The following LRP1B variants were observed in gnomAD, a reference collection of about 807,000 sequenced individuals.
LRP1B encodes the protein LDL receptor related protein 1B.
In LRP1B, 217 loss-of-function variants were observed where a neutral mutation model predicts 556.6. The observed-to-expected ratio is 0.39, with a 90% confidence interval of 0.35 to 0.44. The LOEUF is 0.44. Among genes scored for constraint, LRP1B ranks in the 20% least tolerant of loss-of-function variants. The pLI is 1.00. For synonymous variants in LRP1B, 2,047 were observed against 1,865.8 expected (o/e 1.10, Z -2.50); for missense variants, 5,053 against 5,620.8 (o/e 0.90, Z 3.23).
intron 83 of LRP1B, among the ~76,000 whole-genome samples, chr2:140,310,625 T>C (rs771728473): frequency 2.8e-4 from 43 of 151,478 alleles, no homozygotes; most frequent in Non-Finnish European, 5.5e-4. Flanking sequence ...TTTGACAAAA[T>C]TAACAGAAAT....
rs554607994 is a variant in LRP1B at position 141,402,603 on chromosome 2, G to A, written c.343+77793C>T. Among the ~76,000 whole-genome samples the A allele has an allele frequency of 1.2e-4, 19 of 152,054 alleles. No individual in the cohort carries two copies. The South Asian group carries it at 3.7e-3, about 30-fold the overall frequency. On this transcript the variant is annotated intron_variant, in intron 3 of 90. Coordinates refer to ENST00000389484, the MANE Select transcript of LRP1B (RefSeq NM_018557.3). ...CTAAAAACAAATGAAGACCAAAGTTGTATCTTCATGTATACTTTTATTATT... is the reference window on the plus strand; with the variant it reads ...CTAAAAACAAATGAAGACCAAAGTTATATCTTCATGTATACTTTTATTATT...
intron 1 of LRP1B, among the ~76,000 whole-genome samples, chr2:141,860,576 T>G (rs1037652040): frequency 1.3e-5 from 2 of 152,166 alleles, no homozygotes; most frequent in Non-Finnish European, 2.9e-5. Flanking sequence ...TGCTATGTAA[T>G]TCACTGTGTA....
chr2:140,768,251 C>T (rs988662570), intron 35 of LRP1B, among the ~76,000 whole-genome samples: 2 of 151,822 alleles, frequency 1.3e-5, no homozygotes, highest in Non-Finnish European at 2.9e-5. Context: ...TTTATTAATA[C>T]ATGATTAAAC....
At chr2:141,557,916 C>T (rs35714902) in intron 2 of LRP1B, among the ~76,000 whole-genome samples, 56,115 of 151,610 alleles carry the variant, frequency 0.37, 10,942 homozygotes, top group Non-Finnish European at 0.44. Flanking sequence ...ACAGATGGTC[C>T]TTATTCAGCC....
intron 18 of LRP1B, among the ~76,000 whole-genome samples, chr2:140,979,421 T>G (rs1696699945): frequency 6.6e-6 from 1 of 152,206 alleles, no homozygotes; most frequent in African/African-American, 2.4e-5. Flanking sequence ...CTGAGACTTC[T>G]AATTTCCTGA....
At chr2:140,425,199 C>T (rs1685604242) in intron 66 of LRP1B, among the ~76,000 whole-genome samples, 1 of 152,124 alleles carries the variant, frequency 6.6e-6, no homozygotes, top group South Asian at 2.1e-4. Flanking sequence ...TGCCTCCTCA[C>T]TGTTAGTGAC....
At chr2:141,813,598 ACAAACAAAAAACAGGATGGAG>A (rs1456451943) in intron 1 of LRP1B, among the ~76,000 whole-genome samples, 3 of 151,452 alleles carry the variant, frequency 2.0e-5, no homozygotes, top group Non-Finnish European at 4.4e-5. Flanking sequence ...AAACAAACAA[ACAAACAAAAAACAGGATGGAG>A]GACCACTAAA....
chr2:141,765,195 A>C (rs1434298562), intron 2 of LRP1B, among the ~76,000 whole-genome samples: 1 of 152,266 alleles, frequency 6.6e-6, no homozygotes, highest in African/African-American at 2.4e-5. Flanking sequence ...AGAGATCCGT[A>C]AACAGTGTAA....
chr2:141,357,690 A>C (rs1688676286), intron 3 of LRP1B, among the ~76,000 whole-genome samples: 1 of 152,208 alleles, frequency 6.6e-6, no homozygotes, highest in African/African-American at 2.4e-5. Context: ...GATATCCCAC[A>C]GACAATGAAT....
At chr2:141,930,144 T>C (rs1226928310) in intron 1 of LRP1B, among the ~76,000 whole-genome samples, 2 of 151,936 alleles carry the variant, frequency 1.3e-5, no homozygotes, top group Non-Finnish European at 2.9e-5. Context: ...CCACCACATC[T>C]TGGATTTTAA....
At chr2:141,437,380 GT>G (rs981416998) in intron 3 of LRP1B, among the ~76,000 whole-genome samples, 4 of 151,990 alleles carry the variant, frequency 2.6e-5, no homozygotes, top group African/African-American at 7.2e-5. Context: ...GGGACTAGCT[GT>G]TTGAATAGGA....
chr2:140,233,488 C>T (rs1217218122), intron 90 of LRP1B, among the ~76,000 whole-genome samples, 162 bp from the exon 91 acceptor site: 3 of 151,100 alleles, frequency 2.0e-5, no homozygotes, highest in Non-Finnish European at 4.4e-5. Context: ...GTTACATTTA[C>T]AGACTTTACT....
At chr2:140,782,183 G>C (rs552460879) in intron 32 of LRP1B, among the ~76,000 whole-genome samples, 1 of 152,148 alleles carries the variant, frequency 6.6e-6, no homozygotes, top group Admixed American at 6.6e-5. Flanking sequence ...GGGTTAAGCT[G>C]TGTATAAGCA....
At chr2:141,051,895 A>G (rs1558826881) in intron 10 of LRP1B, among the ~76,000 whole-genome samples, 1 of 151,870 alleles carries the variant, frequency 6.6e-6, no homozygotes, top group Non-Finnish European at 1.5e-5. Context: ...TTCATATTTA[A>G]TGTATGTAGG....
intron 2 of LRP1B, among the ~76,000 whole-genome samples, chr2:141,767,940 T>C (rs1694780071): frequency 6.6e-6 from 1 of 152,126 alleles, no homozygotes; most frequent in Non-Finnish European, 1.5e-5. Flanking sequence ...CTGGTTATTC[T>C]GTTCACAAAA....
intron 3 of LRP1B, among the ~76,000 whole-genome samples, chr2:141,406,153 T>C (rs540491769): frequency 6.6e-6 from 1 of 152,136 alleles, no homozygotes; most frequent in South Asian, 2.1e-4. Flanking sequence ...AATGAGAAAA[T>C]TGAGACACAA....
intron 2 of LRP1B, among the ~76,000 whole-genome samples, chr2:141,515,776 A>G (rs1017394825): frequency 6.6e-6 from 1 of 152,194 alleles, no homozygotes; most frequent in African/African-American, 2.4e-5. Flanking sequence ...TATAAGAATA[A>G]AAAGTTTATT....
chr2:141,534,637 AG>A (rs1259898338), intron 2 of LRP1B, among the ~76,000 whole-genome samples: 6 of 152,166 alleles, frequency 3.9e-5, no homozygotes. Flanking sequence ...GTTGCAGTCA[AG>A]GTCTCATTTG....
intron 18 of LRP1B, among the ~76,000 whole-genome samples, chr2:140,970,397 C>T (rs1197947843): frequency 6.6e-6 from 1 of 152,130 alleles, no homozygotes; most frequent in Non-Finnish European, 1.5e-5. Flanking sequence ...GACTTCTCTA[C>T]ACTTGTTATT....
Sources: allele counts gnomAD v4.1 joint callset (sites outside exome capture counted in the v4.1 genomes callset), GRCh38; gene constraint gnomAD v4.1.1; transcripts MANE v1.5; gene names NCBI Gene and HGNC (gene_info 2026-07-23, HGNC 2026-07-21).